NAALADL2: variants seen among roughly 807,000 people sequenced by gnomAD.
NAALADL2 encodes the protein N-acetylated alpha-linked acidic dipeptidase like 2.
A neutral mutation model predicts 87.2 loss-of-function variants in NAALADL2; 76 were observed. That is an observed-to-expected ratio of 0.87 (90% CI 0.72 to 1.05). NAALADL2 has a LOEUF of 1.05. Among genes scored for constraint, NAALADL2 ranks in the 50% least tolerant of loss-of-function variants. NAALADL2 has a pLI of 0.00. For missense variants in NAALADL2, 1,089 were observed against 945.8 expected, an observed-to-expected ratio of 1.15 and a Z score of -1.99; for synonymous variants, 354 against 331.0, an observed-to-expected ratio of 1.07 and a Z score of -0.75.
chr3:174,458,174 A>G (rs1161291758), intron 1 of NAALADL2, among the ~76,000 whole-genome samples: 1 of 152,196 alleles, frequency 6.6e-6, no homozygotes, highest in African/African-American at 2.4e-5. Flanking sequence ...ATAAAGTATT[A>G]TTAATAGTTC....
intron 2 of NAALADL2, among the ~76,000 whole-genome samples, chr3:174,722,797 A>T (rs947476572): frequency 6.6e-6 from 1 of 152,186 alleles, no homozygotes; most frequent in Non-Finnish European, 1.5e-5. Context: ...ATGTAGTTAA[A>T]ATTGTTTCTT....
intron 2 of NAALADL2, among the ~76,000 whole-genome samples, chr3:174,556,531 TA>T (rs889929275): frequency 1.7e-4 from 26 of 151,306 alleles, no homozygotes; most frequent in African/African-American, 2.7e-4. Flanking sequence ...TCTCTTGGTT[TA>T]AAAAAAAATA....
chr3:174,893,103 A>C (rs1171502683), intron 1 of NAALADL2, among the ~76,000 whole-genome samples: 1 of 152,178 alleles, frequency 6.6e-6, no homozygotes, highest in African/African-American at 2.4e-5. Context: ...GTCTGGCAGC[A>C]GACTCTTCAG....
At chr3:174,897,839 C>T (rs1308765552) in intron 1 of NAALADL2, among the ~76,000 whole-genome samples, 4 of 138,128 alleles carry the variant, frequency 2.9e-5, no homozygotes, top group Non-Finnish European at 4.4e-5. Flanking sequence ...ATCGGCCGGG[C>T]GCGGTGGCTC....
intron 1 of NAALADL2, among the ~76,000 whole-genome samples, chr3:175,076,265 TAGATG>T (rs985540715): frequency 4.0e-5 from 6 of 150,904 alleles, no homozygotes; most frequent in African/African-American, 1.2e-4. Flanking sequence ...AAGAAAAGAT[TAGATG>T]AGATGTGAAA....
At chr3:175,026,327 A>G (rs1425501136) in intron 1 of NAALADL2, among the ~76,000 whole-genome samples, 1 of 151,860 alleles carries the variant, frequency 6.6e-6, no homozygotes, top group Non-Finnish European at 1.5e-5. Context: ...TTGTGCCACA[A>G]GTGAGCAAGA....
intron 5 of NAALADL2, among the ~76,000 whole-genome samples, chr3:175,416,272 T>C (rs1397271478): frequency 6.6e-6 from 1 of 152,200 alleles, no homozygotes; most frequent in African/African-American, 2.4e-5. Flanking sequence ...TGCTCTATTG[T>C]AATATTTACA....
intron 11 of NAALADL2, among the ~76,000 whole-genome samples, chr3:175,719,272 CTCTA>C (rs761728476): frequency 1.3e-5 from 2 of 151,240 alleles, no homozygotes; most frequent in Non-Finnish European, 2.9e-5. Flanking sequence ...CACTAGAAAT[CTCTA>C]TCTACTACTG....
At chr3:174,632,755 T>G (rs1350517395) in intron 2 of NAALADL2, among the ~76,000 whole-genome samples, 1 of 151,702 alleles carries the variant, frequency 6.6e-6, no homozygotes, top group Non-Finnish European at 1.5e-5. Flanking sequence ...TCAAATATGG[T>G]AAAACCCCAT....
At chr3:174,964,565 A>G (rs1702817508) in intron 1 of NAALADL2, among the ~76,000 whole-genome samples, 1 of 152,134 alleles carries the variant, frequency 6.6e-6, no homozygotes. Context: ...ATAATCCATG[A>G]AAAAGACTAT....
intron 13 of NAALADL2, among the ~76,000 whole-genome samples, chr3:175,784,582 ATTC>A (rs1751646420): frequency 7.1e-6 from 1 of 141,262 alleles, no homozygotes; most frequent in Non-Finnish European, 1.5e-5. Context: ...TGTCTATTTG[ATTC>A]TTCTCTCTTT....
chr3:174,616,082 C>A (rs1479963868), intron 2 of NAALADL2, among the ~76,000 whole-genome samples: 2 of 151,770 alleles, frequency 1.3e-5, no homozygotes, highest in African/African-American at 2.4e-5. Context: ...TGAAAGAGTA[C>A]CTAATTTGCC....
At chr3:174,503,307 A>G (rs1719016094) in intron 1 of NAALADL2, among the ~76,000 whole-genome samples, 1 of 152,180 alleles carries the variant, frequency 6.6e-6, no homozygotes, top group East Asian at 1.9e-4. Flanking sequence ...AGTTGCTACA[A>G]AGAGTCCATG....
intron 5 of NAALADL2, among the ~76,000 whole-genome samples, chr3:175,352,530 A>G (rs1763885833): frequency 6.6e-6 from 1 of 152,104 alleles, no homozygotes; most frequent in South Asian, 2.1e-4. Context: ...TCAAATCTTC[A>G]AATATTTTCC....
chr3:174,822,400 A>T (rs1381009891), intron 3 of NAALADL2, among the ~76,000 whole-genome samples: 1 of 152,238 alleles, frequency 6.6e-6, no homozygotes, highest in Admixed American at 6.5e-5. Flanking sequence ...TCATATAAAA[A>T]TATTGGACCA....
intron 12 of NAALADL2, among the ~76,000 whole-genome samples, chr3:175,741,527 A>C (rs1379028326): frequency 6.6e-6 from 1 of 152,136 alleles, no homozygotes; most frequent in Non-Finnish European, 1.5e-5. Context: ...TAGATGGGTA[A>C]ATTTGCTGTT....
At chr3:175,408,075 G>A (rs375307806) in intron 5 of NAALADL2, among the ~76,000 whole-genome samples, 2 of 152,106 alleles carry the variant, frequency 1.3e-5, no homozygotes, top group East Asian at 1.9e-4. Context: ...TTAAAAAGTC[G>A]ATCTCATAGA....
At chr3:174,494,393 A>G (rs1451006238) in intron 1 of NAALADL2, among the ~76,000 whole-genome samples, 1 of 148,984 alleles carries the variant, frequency 6.7e-6, no homozygotes, top group Admixed American at 6.7e-5. Flanking sequence ...CAAACACCGC[A>G]TGTTCTCACT....
rs113804790 is a variant in NAALADL2, at chr3:175,641,579, A to G, written c.1896+14193A>G. The stretch of plus-strand genomic sequence containing the variant: ...AAAACAATGTGATTGCTTCCTCTCA[A>G]TGCAAGTCTTCTAAGCTACTCCAAC... On this transcript the variant is annotated intron_variant, in intron 11 of 13. Transcript: ENST00000454872. 9.7e-3 allele frequency among the ~76,000 whole-genome samples: 1,477 copies of G among 152,294 alleles called. 23 individuals are homozygous for G. Among genetic ancestry groups the G allele is most frequent in the African/African-American group, 0.032 (1,338 of 41,558 alleles).
Sources: allele counts gnomAD v4.1 joint callset (sites outside exome capture counted in the v4.1 genomes callset), GRCh38; gene constraint gnomAD v4.1.1; transcripts MANE v1.5; gene names NCBI Gene and HGNC (gene_info 2026-07-23, HGNC 2026-07-21).